The following CHD7 variants were observed in gnomAD, a reference collection of about 807,000 sequenced individuals.
The protein encoded by CHD7 is ATP-dependent chromatin remodeler CHD7.
CHD7 carries 24 observed loss-of-function variants against 307.3 expected under a neutral mutation model. The observed-to-expected ratio is 0.08, with a 90% CI of 0.06 to 0.11. The LOEUF (loss-of-function observed/expected upper bound fraction) is 0.11, where lower values mean the gene tolerates loss of function less well. Among genes scored for constraint, CHD7 ranks in the 10% least tolerant of loss-of-function variants. The pLI is 1.00. For missense variants in CHD7, 3,106 were observed against 3,727.1 expected, an observed-to-expected ratio of 0.83 and a Z score of 4.34; for synonymous variants, 1,363 against 1,349.9, an observed-to-expected ratio of 1.01 and a Z score of -0.21.
chr8:60,718,664 ACAGAT>A (rs2150538491), intron 1 of CHD7, among the ~76,000 whole-genome samples: 1 of 152,338 alleles, frequency 6.6e-6, no homozygotes, highest in East Asian at 1.9e-4. Context: ...GTTACAGTAA[ACAGAT>A]AAATTTATTG....
intron 7 of CHD7, among the ~76,000 whole-genome samples, chr8:60,813,678 T>C (rs1440189983): frequency 6.6e-6 from 1 of 152,114 alleles, no homozygotes; most frequent in Non-Finnish European, 1.5e-5. Flanking sequence ...TTAGATATAT[T>C]AATATTGTGT....
chr8:60,841,842 A>G lies in CHD7; in HGVS notation c.4645-5A>G. 6.2e-7 allele frequency: 1 copy of G among 1,607,834 alleles called. No individual in the cohort carries two copies. The highest frequency in any genetic ancestry group is 8.5e-7 in the Non-Finnish European group (1 of 1,176,470). ...TGTCAAATGTATCTCCTCTTTTATT[A>G]TTAGAACAACCTGGTTATTGATACT... On this transcript the variant is annotated splice_polypyrimidine_tract_variant and splice_region_variant and intron_variant, in intron 20 of 37. Transcript: ENST00000423902.
At chr8:60,732,493 C>T (rs1222576320) in intron 1 of CHD7, among the ~76,000 whole-genome samples, 1 of 152,200 alleles carries the variant, frequency 6.6e-6, no homozygotes, top group Non-Finnish European at 1.5e-5. Context: ...GGCCACAGGG[C>T]AGCTCCTTCC....
chr8:60,695,953 C>T (rs1441518925), intron 1 of CHD7, among the ~76,000 whole-genome samples: 1 of 152,096 alleles, frequency 6.6e-6, no homozygotes, highest in Non-Finnish European at 1.5e-5. Context: ...AATGGCCATT[C>T]CTGTGGTATC....
chr8:60,829,315 T>C (rs62526526), intron 14 of CHD7, among the ~76,000 whole-genome samples: 18 of 152,212 alleles, frequency 1.2e-4, no homozygotes, highest in Non-Finnish European at 2.6e-4. Flanking sequence ...TAAAAAGTGC[T>C]TGGGCCAGGC....
At chr8:60,767,288 G>T (rs1810516281) in intron 2 of CHD7, among the ~76,000 whole-genome samples, 1 of 152,244 alleles carries the variant, frequency 6.6e-6, no homozygotes, top group Non-Finnish European at 1.5e-5. Flanking sequence ...GCTGGAGGAA[G>T]ATGTGTTGAG....
At chr8:60,802,469 T>C (rs1012085266) in intron 6 of CHD7, among the ~76,000 whole-genome samples, 1 of 152,234 alleles carries the variant, frequency 6.6e-6, no homozygotes, top group Non-Finnish European at 1.5e-5. Flanking sequence ...CACAGTTCTT[T>C]TGTTTTTATT....
chr8:60,775,332 C>T (rs978691641), intron 2 of CHD7, among the ~76,000 whole-genome samples: 60 of 44,662 alleles, frequency 1.3e-3, no homozygotes, highest in African/African-American at 1.9e-3. Flanking sequence ...AAAAATTATA[C>T]AAGTCATTCT....
chr8:60,780,546 A>G (rs1811157981), intron 2 of CHD7, among the ~76,000 whole-genome samples: 1 of 152,242 alleles, frequency 6.6e-6, no homozygotes. Flanking sequence ...CAGTACTAGA[A>G]TCTTGCAATG....
intron 15 of CHD7, among the ~76,000 whole-genome samples, chr8:60,833,503 A>AATAG (rs2150770957): frequency 6.6e-6 from 1 of 152,308 alleles, no homozygotes; most frequent in East Asian, 1.9e-4. Flanking sequence ...TCAGAGAGAA[A>AATAG]ATAGTAACTT....
intron 1 of CHD7, among the ~76,000 whole-genome samples, chr8:60,712,451 G>A (rs1807327260): frequency 6.6e-6 from 1 of 152,176 alleles, no homozygotes; most frequent in African/African-American, 2.4e-5. Flanking sequence ...ACATGTAAAA[G>A]TAGACACGAG....
chr8:60,798,461 C>T (rs1015810091), intron 4 of CHD7, among the ~76,000 whole-genome samples: 6 of 152,158 alleles, frequency 3.9e-5, no homozygotes, highest in East Asian at 1.9e-4. Flanking sequence ...GAGTTTGTAT[C>T]GTGAACTGTC....
rs1563660814 is a variant in CHD7 at position 60,853,132 on chromosome 8, G to A, written c.6407G>A (p.Gly2136Glu). Residue 2136 changes from glycine (G) to glutamate (E), a missense_variant, in exon 31 of 38, where the codon GGG (glycine) becomes GAG (glutamate). By Grantham distance (98) the Gly-to-Glu change is moderately conservative (BLOSUM62 -2). Coordinates refer to ENST00000423902, the MANE Select transcript of CHD7 (RefSeq NM_017780.4). ...DAHKNFAQNRGAGNTSSLNPL... is the reference protein window; with the variant it reads ...DAHKNFAQNREAGNTSSLNPL... The stretch of plus-strand genomic sequence containing the variant: ...CATAAAAACTTTGCTCAAAACAGAG[G>A]GGCAGGTAATACATCTTCCTTGAAC... 6.2e-7 allele frequency: 1 copy of A among 1,613,850 alleles called. No individual in the cohort carries two copies. Among genetic ancestry groups the A allele is most frequent in the Non-Finnish European group, 8.5e-7 (1 of 1,179,878 alleles).
In CHD7 at chr8:60,853,480, A is replaced by C; in HGVS notation, c.6755A>C (p.Glu2252Ala). 6.6e-7 allele frequency: 1 copy of C among 1,514,952 alleles called. No homozygotes were observed. The highest frequency in any genetic ancestry group is 8.8e-7 in the Non-Finnish European group (1 of 1,133,954). 93.8% of individuals were successfully genotyped at this position (1,514,952 alleles called of 1,614,324 possible). The change falls in exon 31 of 38, where the codon GAA becomes GCA. Residue 2252 changes from glutamate (E) to alanine (A), a missense_variant. Coordinates refer to ENST00000423902, the MANE Select transcript of CHD7 (RefSeq NM_017780.4). ...AAGCTGGAGGATGACGATAAGTCGG[A>C]AGAGTCTTCCCAGCCCGAAGGTAAG... ...EEKLEDDDKS[E>A]ESSQPEAGAV...
chr8:60,838,341 A>G (rs774431295), intron 19 of CHD7, 86 bp downstream of exon 19: 228 of 1,181,426 alleles, frequency 1.9e-4, no homozygotes, highest in Non-Finnish European at 2.6e-4. Context: ...TGCTTACAAG[A>G]TGCATTGGGA....
intron 1 of CHD7, among the ~76,000 whole-genome samples, chr8:60,730,422 G>A (rs887492285): frequency 2.0e-5 from 3 of 152,202 alleles, no homozygotes. Flanking sequence ...TTATAGTTTT[G>A]ATTATGGTGG....
At chr8:60,793,854 A>T (rs1811888614) in intron 3 of CHD7, among the ~76,000 whole-genome samples, 1 of 152,118 alleles carries the variant, frequency 6.6e-6, no homozygotes, top group African/African-American at 2.4e-5. Flanking sequence ...GGGCACAGTG[A>T]CTCAATGCCT....
intron 21 of CHD7, among the ~76,000 whole-genome samples, chr8:60,843,515 C>T (rs1805065199): frequency 6.6e-6 from 1 of 152,224 alleles, no homozygotes; most frequent in South Asian, 2.1e-4. Flanking sequence ...GTGCTAGGCA[C>T]TGTCTAGGAT....
intron 1 of CHD7, among the ~76,000 whole-genome samples, chr8:60,693,565 T>C (rs1806308859): frequency 6.6e-6 from 1 of 152,108 alleles, no homozygotes; most frequent in African/African-American, 2.4e-5. Context: ...GGCCTGTCCT[T>C]CCCTGGCCTC....
Sources: allele counts gnomAD v4.1 joint callset (sites outside exome capture counted in the v4.1 genomes callset), GRCh38; gene constraint gnomAD v4.1.1; transcripts MANE v1.5; gene names NCBI Gene and HGNC (gene_info 2026-07-23, HGNC 2026-07-21).